The following RBBP8 variants were observed in gnomAD, a reference collection of about 807,000 sequenced individuals.
RBBP8 encodes the protein DNA endonuclease RBBP8.
A neutral mutation model predicts 108.3 loss-of-function variants in RBBP8; 88 were observed. That is an observed-to-expected ratio of 0.81 (90% confidence interval 0.68 to 0.97). The LOEUF is 0.97. Among genes scored for constraint, RBBP8 ranks in the 50% least tolerant of loss-of-function variants. The pLI is 0.00. For missense variants in RBBP8, 1,023 were observed against 1,049.0 expected, an observed-to-expected ratio of 0.98 and a Z score of 0.34; for synonymous variants, 332 against 348.2, an observed-to-expected ratio of 0.95 and a Z score of 0.52.
intron 4 of RBBP8, among the ~76,000 whole-genome samples, chr18:22,957,619 C>T (rs368838538): frequency 1.1e-4 from 16 of 152,068 alleles, no homozygotes; most frequent in South Asian, 4.1e-4. Context: ...TACATAGCTA[C>T]TGAAACTGCA....
chr18:23,007,842 C>T (rs1335175823), intron 16 of RBBP8, among the ~76,000 whole-genome samples: 4 of 147,450 alleles, frequency 2.7e-5, no homozygotes, highest in Non-Finnish European at 4.5e-5. Flanking sequence ...AATGGAGTTT[C>T]GCTCTGGTTG....
At chr18:22,977,195 C>G (rs1914555944) in intron 6 of RBBP8, among the ~76,000 whole-genome samples, 2 of 142,794 alleles carry the variant, frequency 1.4e-5, no homozygotes, top group Admixed American at 1.3e-4. Flanking sequence ...TTTTGCTCAG[C>G]AGTTTTGTTT....
At chr18:22,945,572 G>A (rs906436333) in intron 2 of RBBP8, among the ~76,000 whole-genome samples, 2 of 151,882 alleles carry the variant, frequency 1.3e-5, no homozygotes, top group Non-Finnish European at 2.9e-5. Context: ...TATTAGAGAC[G>A]GGGTTTCTCC....
chr18:22,985,322 T>G (rs1040535984), intron 8 of RBBP8, among the ~76,000 whole-genome samples: 1 of 152,086 alleles, frequency 6.6e-6, no homozygotes, highest in Non-Finnish European at 1.5e-5. Flanking sequence ...ATGATCTAGT[T>G]GAGGGAGAAA....
chr18:22,990,171 A>G (rs929370859), intron 9 of RBBP8, among the ~76,000 whole-genome samples: 3 of 152,228 alleles, frequency 2.0e-5, no homozygotes, highest in African/African-American at 7.2e-5. Context: ...CTTAGACACC[A>G]AATAGATTAA....
In RBBP8 at chr18:22,993,536, AC is replaced by A; in HGVS notation, c.1710del (p.Asp570GlufsTer8). 3 of 1,613,384 alleles carry A rather than the reference AC, an allele frequency of 1.9e-6. No homozygotes were observed. The highest frequency in any genetic ancestry group is 2.5e-6 in the Non-Finnish European group (3 of 1,179,834). ...CAGCCCTTGAATAAATGCTCTCCAG[AC>A]AATAAACCATCATTACAAATAAAAG... Reference protein sequence around the residue: ...ILQPLNKCSPDNKPSLQIKEE... With the variant: ...ILQPLNKCSPXNKPSLQIKEE... On this transcript the variant is annotated frameshift_variant, in exon 11 of 19. Transcript: ENST00000327155. LOFTEE classifies it high-confidence loss of function.
chr18:23,022,044 T>A, intron 17 of RBBP8, 85 bp from the exon 18 acceptor site: 1 of 1,168,294 alleles, frequency 8.6e-7, no homozygotes, highest in Non-Finnish European at 1.3e-6. Context: ...GTAAATGGCT[T>A]TTTTAGCTTC....
intron 8 of RBBP8, among the ~76,000 whole-genome samples, chr18:22,986,311 A>T (rs867200145): frequency 1.6e-4 from 24 of 152,320 alleles, no homozygotes; most frequent in African/African-American, 4.6e-4. Flanking sequence ...GTCAAGTAAG[A>T]TGAAGACTTC....
chr18:22,947,249 G>T (rs532172719), intron 3 of RBBP8, among the ~76,000 whole-genome samples: 2 of 152,080 alleles, frequency 1.3e-5, no homozygotes, highest in South Asian at 4.1e-4. Flanking sequence ...CAGTTGTGCA[G>T]CACTGTTTTC....
intron 18 of RBBP8, among the ~76,000 whole-genome samples, chr18:23,025,739 G>A (rs1187748293): frequency 6.6e-6 from 1 of 152,200 alleles, no homozygotes; most frequent in Non-Finnish European, 1.5e-5. Flanking sequence ...ACCTATGGGA[G>A]GCAGAATAGG....
chr18:22,978,322 G>A (rs1914635298), intron 6 of RBBP8, among the ~76,000 whole-genome samples: 1 of 152,176 alleles, frequency 6.6e-6, no homozygotes, highest in South Asian at 2.1e-4. Flanking sequence ...GAGGACAAGT[G>A]TGCATAATTA....
At chr18:23,005,907 C>A (rs2046034948) in intron 15 of RBBP8, among the ~76,000 whole-genome samples, 1 of 152,048 alleles carries the variant, frequency 6.6e-6, no homozygotes, top group Non-Finnish European at 1.5e-5. Context: ...GTTGCAGAGG[C>A]AGGGTGCAGT....
chr18:22,916,559 T>C (rs1567935082), intron 2 of RBBP8, among the ~76,000 whole-genome samples: 1 of 152,082 alleles, frequency 6.6e-6, no homozygotes, highest in Non-Finnish European at 1.5e-5. Flanking sequence ...TTATGTTGTA[T>C]AGTGTGTTAA....
At chr18:22,919,572 TGAGA>T (rs760812939) in intron 3 of RBBP8, among the ~76,000 whole-genome samples, 18 of 152,168 alleles carry the variant, frequency 1.2e-4, no homozygotes, top group Admixed American at 5.9e-4. Flanking sequence ...TTTCTTTTTT[TGAGA>T]GAGAGAGTCT....
chr18:23,022,615 A>G (rs1227446340), intron 18 of RBBP8, among the ~76,000 whole-genome samples: 1 of 92,546 alleles, frequency 1.1e-5, no homozygotes, highest in Admixed American at 1.2e-4. Flanking sequence ...AATAAAATAA[A>G]ATAAAATAAA....
intron 14 of RBBP8, among the ~76,000 whole-genome samples, chr18:23,001,023 A>G (rs760192994): frequency 6.6e-6 from 1 of 152,218 alleles, no homozygotes; most frequent in Non-Finnish European, 1.5e-5. Flanking sequence ...CAAACACTTC[A>G]CTACATGCAT....
intron 2 of RBBP8, among the ~76,000 whole-genome samples, chr18:22,945,545 G>A (rs1048543003): frequency 1.6e-4 from 25 of 151,894 alleles, no homozygotes; most frequent in South Asian, 8.3e-4. Flanking sequence ...CACCACACCC[G>A]GCTAATTTTG....
intron 17 of RBBP8, among the ~76,000 whole-genome samples, chr18:23,020,076 G>A (rs887898387): frequency 6.6e-6 from 1 of 150,676 alleles, no homozygotes; most frequent in East Asian, 2.0e-4. Context: ...TTTTATAATT[G>A]TAATAGCTTC....
At chr18:22,982,545 C>A (rs1173730520) in intron 7 of RBBP8, 152 bp downstream of exon 7, 5 of 1,431,914 alleles carry the variant, frequency 3.5e-6, no homozygotes, top group African/African-American at 1.4e-5. Context: ...TGTAAAGTGA[C>A]TGAGAAGGCG....
Sources: gnomAD v4.1 joint callset for allele counts (sites outside exome capture counted in the v4.1 genomes callset) on GRCh38, gnomAD v4.1.1 for gene constraint, MANE v1.5 for transcripts, NCBI Gene and HGNC (gene_info 2026-07-23, HGNC 2026-07-21) for gene names.